TENM2: variants seen among roughly 807,000 people sequenced by gnomAD.
TENM2 encodes the protein teneurin-2.
In TENM2, 52 loss-of-function variants were observed where a neutral mutation model predicts 245.2. The ratio of observed to expected loss-of-function variants is 0.21; its 90% CI spans 0.17 to 0.27. The LOEUF is 0.27. Among genes scored for constraint, TENM2 ranks in the 10% least tolerant of loss-of-function variants. The pLI is 1.00. For synonymous variants in TENM2, 1,363 were observed against 1,438.9 expected (o/e 0.95, Z 1.19); for missense variants, 3,046 against 3,666.8 (o/e 0.83, Z 4.37).
At chr5:168,068,773 C>T (rs1256895392) in intron 7 of TENM2, among the ~76,000 whole-genome samples, 1 of 151,988 alleles carries the variant, frequency 6.6e-6, no homozygotes, top group Non-Finnish European at 1.5e-5. Context: ...AAAATCTTAA[C>T]ATTTATTCAT....
At chr5:167,320,859 C>A (rs1756669706) in intron 1 of TENM2, among the ~76,000 whole-genome samples, 1 of 152,044 alleles carries the variant, frequency 6.6e-6, no homozygotes, top group African/African-American at 2.4e-5. Flanking sequence ...AGACAAGGGA[C>A]AACTTATTTT....
intron 13 of TENM2, chr5:168,165,727 T>C (rs1326110316): frequency 3.2e-5 from 4 of 124,414 alleles, no homozygotes; most frequent in African/African-American, 6.2e-5. Context: ...GTGGTGATTA[T>C]GCTAAAGACA....
Position 168,218,392 on chromosome 5 carries a change from C to G in TENM2, c.4501C>G (p.Leu1501Val), listed in dbSNP as rs758497160. 8.7e-6 allele frequency: 14 copies of G among 1,613,948 alleles called. 1 individual carries two copies. The Admixed American group carries it at 2.2e-4, about 25-fold the overall frequency. ...GACAGATGAGAAGAAGATTAACCGT[C>G]TACGCCAGGTAACAACCAACGGGGA... The change falls in exon 23 of 29, where the codon CTA becomes GTA. Residue 1501 changes from leucine to valine, a missense_variant. This residue lies in a region of TENM2 where 2,704 missense variants were observed against 3,331.9 expected (regional missense o/e 0.81). Coordinates refer to ENST00000518659, the Ensembl canonical transcript of TENM2. This position sits in a 1 kb window ranked among gnomAD's most constrained non-coding sequence, Gnocchi z 5.2.
At chr5:167,833,637 A>G (rs1307304172) in intron 2 of TENM2, among the ~76,000 whole-genome samples, 3 of 152,230 alleles carry the variant, frequency 2.0e-5, no homozygotes, top group Non-Finnish European at 4.4e-5. Flanking sequence ...TCTAACAAAG[A>G]GAAAGGCACC....
chr5:168,026,305 G>T (rs1452313066), intron 5 of TENM2, among the ~76,000 whole-genome samples: 1 of 152,174 alleles, frequency 6.6e-6, no homozygotes, highest in Non-Finnish European at 1.5e-5. Flanking sequence ...TTAGCAATTA[G>T]CCCTCTCATG....
At chr5:167,439,614 G>A (rs2127457636) in intron 2 of TENM2, among the ~76,000 whole-genome samples, 1 of 152,186 alleles carries the variant, frequency 6.6e-6, no homozygotes, top group East Asian at 1.9e-4. Context: ...ATAATACACT[G>A]CATATAATAA....
the TENM2 span, among the ~76,000 whole-genome samples, chr5:167,137,718 A>G: frequency 6.6e-6 from 1 of 152,222 alleles, no homozygotes; most frequent in African/African-American, 2.4e-5. Flanking sequence ...AGTTGTGAGT[A>G]ATATGTATTT....
chr5:168,019,104 C>G (rs1232666274), intron 5 of TENM2, among the ~76,000 whole-genome samples: 2 of 151,992 alleles, frequency 1.3e-5, no homozygotes, highest in Non-Finnish European at 2.9e-5. Context: ...AATAAGAACA[C>G]CAAGTGCAGT....
chr5:167,203,788 A>G, the TENM2 span, among the ~76,000 whole-genome samples: 3,255 of 152,130 alleles, frequency 0.021, 110 homozygotes, highest in African/African-American at 0.072. Context: ...ATATATTCTA[A>G]AATGTATCAA....
intron 28 of TENM2, among the ~76,000 whole-genome samples, chr5:168,260,903 G>A (rs973172314): frequency 3.3e-5 from 5 of 152,262 alleles, no homozygotes; most frequent in South Asian, 2.1e-4. Flanking sequence ...TGCGATGACC[G>A]AGGGGTGGTC....
At chr5:167,776,593 G>GGGA (rs1437587032) in intron 2 of TENM2, among the ~76,000 whole-genome samples, 4 of 36,026 alleles carry the variant, frequency 1.1e-4, no homozygotes, top group African/African-American at 3.5e-4. Flanking sequence ...GACCCTGTCT[G>GGGA]AAAAAAAAAA....
chr5:167,521,709 G>A (rs1770767956), intron 2 of TENM2, among the ~76,000 whole-genome samples: 1 of 152,110 alleles, frequency 6.6e-6, no homozygotes, highest in Admixed American at 6.6e-5. Flanking sequence ...TTGCTGTTGT[G>A]TTGGAGCGTG....
the TENM2 span, among the ~76,000 whole-genome samples, chr5:167,029,666 C>T: frequency 6.6e-6 from 1 of 152,130 alleles, no homozygotes; most frequent in Admixed American, 6.5e-5. Context: ...GGGGCTGTTG[C>T]CAGGGACAAC....
intron 2 of TENM2, among the ~76,000 whole-genome samples, chr5:167,466,549 A>G (rs1271262854): frequency 6.6e-6 from 1 of 152,236 alleles, no homozygotes; most frequent in Non-Finnish European, 1.5e-5. Context: ...TTGCACCATG[A>G]TAACATCTTT....
intron 2 of TENM2, among the ~76,000 whole-genome samples, chr5:167,785,676 A>G (rs1055498779): frequency 2.6e-5 from 4 of 152,214 alleles, no homozygotes; most frequent in African/African-American, 2.4e-5. Context: ...GTCCCTCTTC[A>G]GGTCTGCTCT....
At chr5:167,125,920 AC>A in the TENM2 span, among the ~76,000 whole-genome samples, 1 of 152,208 alleles carries the variant, frequency 6.6e-6, no homozygotes, top group Admixed American at 6.5e-5. Flanking sequence ...ATTCTAAAAT[AC>A]TTTTTCCCAA....
At chr5:167,913,187 C>A (rs1295100935) in intron 3 of TENM2, among the ~76,000 whole-genome samples, 1 of 152,202 alleles carries the variant, frequency 6.6e-6, no homozygotes, top group Non-Finnish European at 1.5e-5. Context: ...ACTCTGCATC[C>A]ACCTGCCTCT....
intron 2 of TENM2, among the ~76,000 whole-genome samples, chr5:167,424,365 G>C (rs1763689552): frequency 6.6e-6 from 1 of 152,004 alleles, no homozygotes; most frequent in African/African-American, 2.4e-5. Context: ...CTCTTTCAGG[G>C]CTTGGCCTGC....
chr5:168,059,410 ACATAAAGGAAAGC>A (rs1789840443), intron 6 of TENM2, among the ~76,000 whole-genome samples: 1 of 152,166 alleles, frequency 6.6e-6, no homozygotes, highest in South Asian at 2.1e-4. Flanking sequence ...AGCCCAACAG[ACATAAAGGAAAGC>A]CAAGCTTATT....
Sources: gnomAD v4.1 joint callset for allele counts (sites outside exome capture counted in the v4.1 genomes callset) on GRCh38, gnomAD v4.1.1 for gene constraint, gnomAD v4.1.1 regional missense constraint, Gnocchi (gnomAD v3.1) non-coding constraint, MANE v1.5 for transcripts, NCBI Gene and HGNC (gene_info 2026-07-23, HGNC 2026-07-21) for gene names.